CEP57: variants seen among roughly 807,000 people sequenced by gnomAD.
The protein encoded by CEP57 is centrosomal protein of 57 kDa.
In CEP57, 40 loss-of-function variants were observed where a neutral mutation model predicts 68.0. The ratio of observed to expected loss-of-function variants is 0.59; its 90% CI spans 0.46 to 0.77. CEP57 has a LOEUF of 0.77. Ranked by LOEUF, CEP57 falls within the 30% of genes least tolerant of loss-of-function variation. CEP57 has a pLI of 0.00. For missense variants in CEP57, 606 were observed against 580.7 expected, an observed-to-expected ratio of 1.04 and a Z score of -0.45; for synonymous variants, 219 against 198.7, an observed-to-expected ratio of 1.10 and a Z score of -0.86.
At chr11:95,799,797 A>G (rs937684457) in intron 2 of CEP57, among the ~76,000 whole-genome samples, 2 of 152,014 alleles carry the variant, frequency 1.3e-5, no homozygotes, top group African/African-American at 4.8e-5. Context: ...TCTCCTCCTC[A>G]TCCCCAGTTA....
At chr11:95,829,161 A>G in intron 9 of CEP57, 26 bp from the exon 10 acceptor site, 1 of 1,612,836 alleles carries the variant, frequency 6.2e-7, no homozygotes, top group Non-Finnish European at 8.5e-7. Flanking sequence ...AAACTTAACC[A>G]TGTTCTACTT....
chr11:95,814,386 G>A (rs1862210492), intron 4 of CEP57, among the ~76,000 whole-genome samples: 1 of 136,468 alleles, frequency 7.3e-6, no homozygotes, highest in African/African-American at 2.8e-5. Context: ...TTGAGACGGA[G>A]TTTCCCTTTT....
At chr11:95,814,559 C>T (rs969673250) in intron 4 of CEP57, among the ~76,000 whole-genome samples, 2 of 151,824 alleles carry the variant, frequency 1.3e-5, no homozygotes, top group Non-Finnish European at 2.9e-5. Context: ...AGGGTTTCAC[C>T]ATGTTGGTCA....
intron 6 of CEP57, among the ~76,000 whole-genome samples, chr11:95,819,150 TA>T (rs1236177253): frequency 1.3e-5 from 2 of 151,918 alleles, no homozygotes; most frequent in Non-Finnish European, 2.9e-5. Context: ...AATAACAGAC[TA>T]AAAAACATCA....
chr11:95,800,172 G>A (rs1430392543), intron 2 of CEP57, among the ~76,000 whole-genome samples: 1 of 152,130 alleles, frequency 6.6e-6, no homozygotes, highest in Non-Finnish European at 1.5e-5. Context: ...TTTGCTTGGG[G>A]CTCTGTTCTT....
chr11:95,829,118 T>C (rs1268521213), intron 9 of CEP57, 69 bp from the exon 10 acceptor site: 22 of 1,502,910 alleles, frequency 1.5e-5, no homozygotes, highest in Middle Eastern at 1.7e-4. Context: ...TAACCCATAA[T>C]GAGGTATAAT....
At chr11:95,813,612 T>A (rs771129824) in intron 4 of CEP57, 23 bp downstream of exon 4, 1 of 1,611,524 alleles carries the variant, frequency 6.2e-7, no homozygotes, top group Non-Finnish European at 8.5e-7. Flanking sequence ...CCTCACAGAT[T>A]GATACTCAAG....
At chr11:95,808,067 A>G (rs1861888790) in intron 2 of CEP57, among the ~76,000 whole-genome samples, 1 of 152,236 alleles carries the variant, frequency 6.6e-6, no homozygotes, top group Admixed American at 6.5e-5. Context: ...AATATTCAAC[A>G]TTCTTAAAGA....
chr11:95,822,600 C>G (rs978198476), intron 8 of CEP57, 24 bp downstream of exon 8: 3 of 1,572,514 alleles, frequency 1.9e-6, no homozygotes, highest in Non-Finnish European at 1.8e-6. Context: ...ACTCCGGATT[C>G]TTTTTATACA....
chr11:95,810,303 C>T (rs1416356349), intron 2 of CEP57, among the ~76,000 whole-genome samples: 1 of 152,132 alleles, frequency 6.6e-6, no homozygotes, highest in African/African-American at 2.4e-5. Flanking sequence ...GACAGGGATG[C>T]CGTCTCTCAC....
At chr11:95,811,241 T>A (rs759727008) in intron 2 of CEP57, among the ~76,000 whole-genome samples, 2 of 152,138 alleles carry the variant, frequency 1.3e-5, no homozygotes, top group Non-Finnish European at 2.9e-5. Flanking sequence ...CATGGAATAC[T>A]ATGCAGCTGT....
At chr11:95,806,827 C>T (rs760689116) in intron 2 of CEP57, among the ~76,000 whole-genome samples, 3 of 152,238 alleles carry the variant, frequency 2.0e-5, no homozygotes, top group African/African-American at 2.4e-5. Flanking sequence ...GCAGAAACTT[C>T]TGCAGACTTA....
intron 2 of CEP57, among the ~76,000 whole-genome samples, chr11:95,805,568 G>C (rs1216800943): frequency 6.6e-6 from 1 of 152,212 alleles, no homozygotes; most frequent in Non-Finnish European, 1.5e-5. Flanking sequence ...TTTGGGTTGA[G>C]TAAGAGGACT....
intron 2 of CEP57, among the ~76,000 whole-genome samples, chr11:95,802,031 G>GA (rs1228801724): frequency 2.0e-5 from 3 of 151,558 alleles, no homozygotes; most frequent in African/African-American, 4.8e-5. Flanking sequence ...TTCTCACCCA[G>GA]AAAAAAAATA....
chr11:95,790,653 C>G lies in CEP57; in HGVS notation c.-46C>G. The G allele has an allele frequency of 6.2e-7, 1 of 1,606,316 alleles. No homozygotes were observed. The highest frequency in any genetic ancestry group is 8.5e-7 in the Non-Finnish European group (1 of 1,176,234). ...CGAGTCTTGGAGAAGAGCACGAGAA[C>G]CTAGACCGCCCCCGAAGTGCGGAGA... On this transcript the variant is annotated 5_prime_UTR_variant, in exon 1 of 11. Transcript: ENST00000325542.
intron 8 of CEP57, among the ~76,000 whole-genome samples, chr11:95,824,412 A>G (rs994832767): frequency 7.2e-5 from 11 of 152,150 alleles, no homozygotes; most frequent in Admixed American, 2.0e-4. Context: ...GTAGACTCTA[A>G]TATGATTTGA....
chr11:95,829,727 A>G (rs1862921717), intron 10 of CEP57, among the ~76,000 whole-genome samples: 1 of 152,216 alleles, frequency 6.6e-6, no homozygotes, highest in African/African-American at 2.4e-5. Flanking sequence ...ATCAGCCAAC[A>G]ATGTAGTACT....
intron 2 of CEP57, among the ~76,000 whole-genome samples, chr11:95,802,118 G>A (rs555921744): frequency 5.7e-4 from 87 of 152,262 alleles, no homozygotes; most frequent in African/African-American, 2.0e-3. Context: ...GTGTGTTGGG[G>A]AGGTTAAAGG....
chr11:95,799,714 C>A (rs976578562), intron 2 of CEP57, among the ~76,000 whole-genome samples: 1 of 152,114 alleles, frequency 6.6e-6, no homozygotes, highest in African/African-American at 2.4e-5. Flanking sequence ...GTTCTCATTG[C>A]TTTGGTTCAG....
Sources: allele counts gnomAD v4.1 joint callset (sites outside exome capture counted in the v4.1 genomes callset), GRCh38; gene constraint gnomAD v4.1.1; transcripts MANE v1.5; gene names NCBI Gene and HGNC (gene_info 2026-07-23, HGNC 2026-07-21).